Variants in ZNF597 observed in about 807,000 individuals in gnomAD.
The protein encoded by ZNF597 is zinc finger protein 597.
Under a neutral mutation model 7.3 loss-of-function variants are expected in ZNF597, and 5 were observed. That is an observed-to-expected ratio of 0.68 (90% CI 0.36 to 1.44). The LOEUF (loss-of-function observed/expected upper bound fraction) is 1.44, where lower values mean the gene tolerates loss of function less well. Among genes scored for constraint, ZNF597 ranks in the 40% most tolerant of loss-of-function variants. The pLI is 0.04. For missense variants in ZNF597, 585 were observed against 517.9 expected (o/e 1.13, Z -1.26); for synonymous variants, 209 against 185.4 (o/e 1.13, Z -1.04).
chr16:3,443,429 G>A lies in ZNF597; in HGVS notation c.-123C>T. ...GCAGAAAGCGACGCCCGACCGAGACGCGACGAAGAACGCCACGGCCACTGC... is the reference window on the plus strand; with the variant it reads ...GCAGAAAGCGACGCCCGACCGAGACACGACGAAGAACGCCACGGCCACTGC... On this transcript the variant is annotated 5_prime_UTR_variant, in exon 1 of 4. Coordinates refer to ENST00000301744, the MANE Select transcript of ZNF597 (RefSeq NM_152457.3). 3 of 521,792 alleles carry A rather than the reference G, an allele frequency of 5.7e-6. No individual in the cohort carries two copies. The highest frequency in any genetic ancestry group is 5.6e-5 in the South Asian group (2 of 35,412). The allele number at this position is 521,792 out of a possible 1,614,324, so 32.3% of individuals were successfully genotyped here. A position where few individuals can be genotyped will look rare whatever the true frequency, so the allele number is the denominator to read the frequency against.
rs1318878607 is a variant in ZNF597, at chr16:3,433,213, G to C, written c.*3211C>G. 2 of 152,212 alleles carry C rather than the reference G, an allele frequency of 1.3e-5. No homozygotes were observed. Among genetic ancestry groups the C allele is most frequent in the Non-Finnish European group, 2.9e-5 (2 of 68,042 alleles). The allele number at this position is 152,212 out of a possible 1,614,324, so 9.4% of individuals were successfully genotyped here. ...ACAAAGCTCTAAATAAAACTATTCT[G>C]AGTCGACCTCATTCAAAACAACTAC... On this transcript the variant is annotated 3_prime_UTR_variant, in exon 4 of 4. Transcript: ENST00000301744.
Position 3,440,889 on chromosome 16 carries a change from C to G in ZNF597, c.78G>C (p.Glu26Asp), listed in dbSNP as rs1178809709. The stretch of plus-strand genomic sequence containing the variant: ...GGGCAGGGTGCAGAGTCACGCACTC[C>G]TCTTGAGAAAAATACACAGCCAGAT... ...FEDLAVYFSQ[E>D]ECVTLHPAQR... The change falls in exon 3 of 4, where the codon GAG (glutamate) becomes GAC (aspartate). Residue 26 changes from glutamate to aspartate, a missense_variant. Coordinates refer to ENST00000301744, the MANE Select transcript of ZNF597 (RefSeq NM_152457.3). The G allele has an allele frequency of 2.5e-6, 4 of 1,613,904 alleles. No homozygotes were observed. The Admixed American group carries it at 6.7e-5, about 27-fold the overall frequency.
rs560701639 is a variant in ZNF597, at chr16:3,436,449, C to T, written c.1250G>A (p.Arg417Gln). Residue 417 changes from arginine (R) to glutamine (Q), a missense_variant, in exon 4 of 4, where the codon CGA becomes CAA. Coordinates refer to ENST00000301744, the MANE Select transcript of ZNF597 (RefSeq NM_152457.3). ...KSNLHLITHK[R>Q]THIKNTT Reference sequence around the variant, plus strand: ...TTACGTGGTGTTTTTTATGTGAGTTCGCTTATGAGTAATGAGATGCAAATT... The same window carrying T: ...TTACGTGGTGTTTTTTATGTGAGTTTGCTTATGAGTAATGAGATGCAAATT... 3.7e-6 allele frequency: 6 copies of T among 1,612,680 alleles called. No homozygotes were observed. Among genetic ancestry groups the T allele is most frequent in the Non-Finnish European group, 5.1e-6 (6 of 1,179,208 alleles).
At chr16:3,441,081 G>T in intron 2 of ZNF597, 148 bp from the exon 3 acceptor site, 1 of 1,024,812 alleles carries the variant, frequency 9.8e-7, no homozygotes, top group South Asian at 1.7e-5. Context: ...TAGGGCAAAT[G>T]GGTTCTAAGG....
chr16:3,440,677 A>T, intron 3 of ZNF597, 130 bp downstream of exon 3: 1 of 1,216,144 alleles, frequency 8.2e-7, no homozygotes, highest in Non-Finnish European at 1.1e-6. Context: ...TTTCTCTCAC[A>T]CAATTATCAC....
intron 3 of ZNF597, among the ~76,000 whole-genome samples, chr16:3,439,811 T>A (rs2034346951): frequency 6.6e-6 from 1 of 151,974 alleles, no homozygotes; most frequent in Admixed American, 6.6e-5. Flanking sequence ...ATATAACCCA[T>A]AACTAGAAGA....
chr16:3,442,033 C>A (rs1272275285), intron 2 of ZNF597, among the ~76,000 whole-genome samples: 2 of 150,854 alleles, frequency 1.3e-5, no homozygotes, highest in Non-Finnish European at 3.0e-5. Flanking sequence ...CAGGAAGAAT[C>A]ATAAAGAGAT....
chr16:3,440,697 A>T, intron 3 of ZNF597, 110 bp downstream of exon 3: 1 of 1,395,048 alleles, frequency 7.2e-7, no homozygotes, highest in Non-Finnish European at 9.7e-7. Context: ...CCTCCACATA[A>T]ATTACTGAGG....
chr16:3,434,064 C>G lies in ZNF597; in HGVS notation c.*2360G>C, dbSNP rs184723295. 6.6e-6 allele frequency: 1 copy of G among 152,104 alleles called. No individual in the cohort carries two copies. The highest frequency in any genetic ancestry group is 6.6e-5 in the Admixed American group (1 of 15,260). 9.4% of individuals were successfully genotyped at this position (152,104 alleles called of 1,614,324 possible). ...TTAAGGTGCAGAACAGGATGTATGGCACAAATTCTCACTTTCTGCTATATT... is the reference window on the plus strand; with the variant it reads ...TTAAGGTGCAGAACAGGATGTATGGGACAAATTCTCACTTTCTGCTATATT... On this transcript the variant is annotated 3_prime_UTR_variant, in exon 4 of 4. Transcript: ENST00000301744.
rs921875833 is a variant in ZNF597, at chr16:3,435,704, G to T, written c.*720C>A. The T allele has an allele frequency of 1.3e-5, 2 of 152,178 alleles. No homozygotes were observed. Among genetic ancestry groups the T allele is most frequent in the African/African-American group, 4.8e-5 (2 of 41,434 alleles). 9.4% of individuals were successfully genotyped at this position (152,178 alleles called of 1,614,324 possible). On this transcript the variant is annotated 3_prime_UTR_variant, in exon 4 of 4. Transcript: ENST00000301744. ...AGTAGCAATTTGGAGGCAAATCTTA[G>T]AAAAGAGCAAGTACTTCTCCCCCTC... is the stretch of plus-strand genomic sequence containing the variant.
rs2034425869 is a variant in ZNF597, at chr16:3,443,405, C to G, written c.-99G>C. ...GCCTCGCGCTCCCTGACAGGAGCTG[C>G]AGAAAGCGACGCCCGACCGAGACGC... On this transcript the variant is annotated 5_prime_UTR_variant, in exon 1 of 4. Coordinates refer to ENST00000301744, the MANE Select transcript of ZNF597 (RefSeq NM_152457.3). 4 of 534,260 alleles carry G rather than the reference C, an allele frequency of 7.5e-6. No individual in the cohort carries two copies. In the African/African-American group the frequency reaches 7.9e-5, roughly 11 times the overall value. The allele number at this position is 534,260 out of a possible 1,614,324, so 33.1% of individuals were successfully genotyped here. A position where few individuals can be genotyped will look rare whatever the true frequency, so the allele number is the denominator to read the frequency against.
intron 3 of ZNF597, among the ~76,000 whole-genome samples, chr16:3,439,173 G>C (rs1490118673): frequency 6.6e-6 from 1 of 151,924 alleles, no homozygotes; most frequent in East Asian, 1.9e-4. Flanking sequence ...GAGCCACGGA[G>C]CTCGAGACCA....
chr16:3,442,559 C>T (rs1437016780), intron 2 of ZNF597, among the ~76,000 whole-genome samples: 1 of 152,000 alleles, frequency 6.6e-6, no homozygotes, highest in Non-Finnish European at 1.5e-5. Context: ...CCTGTAGTCC[C>T]ATCTACTCGG....
intron 3 of ZNF597, among the ~76,000 whole-genome samples, chr16:3,438,185 A>AG (rs1567352471): frequency 6.6e-6 from 1 of 150,594 alleles, no homozygotes; most frequent in East Asian, 2.0e-4. Flanking sequence ...ATTGCACTCC[A>AG]GCCTAGGTGA....
chr16:3,443,073 A>C, intron 2 of ZNF597, 48 bp downstream of exon 2: 1 of 1,613,380 alleles, frequency 6.2e-7, no homozygotes, highest in Non-Finnish European at 8.5e-7. Context: ...GGTCAGGCAG[A>C]GACCGAAAGC....
At chr16:3,441,897 T>G (rs1292283231) in intron 2 of ZNF597, among the ~76,000 whole-genome samples, 1 of 150,230 alleles carries the variant, frequency 6.7e-6, no homozygotes, top group Non-Finnish European at 1.5e-5. Context: ...GGAGAATCGT[T>G]TGAATCCAGG....
At position 3,440,825 on chromosome 16, in the gene ZNF597, C is replaced by T. The variant is rs1416559097; in HGVS notation, c.142G>A (p.Glu48Lys). 2 of 1,613,878 alleles carry T rather than the reference C, an allele frequency of 1.2e-6. No homozygotes were observed. The highest frequency in any genetic ancestry group is 1.7e-6 in the Non-Finnish European group (2 of 1,179,958). The part of the protein sequence containing the change: ...LSKDGTKESL[E>K]DAALMGEEGK... ...GCCTTACCCATCAAAGCCGCATCCTCCAAAGACTCTTTTGTACCATCTTTG... is the reference window on the plus strand; with the variant it reads ...GCCTTACCCATCAAAGCCGCATCCTTCAAAGACTCTTTTGTACCATCTTTG... The change falls in exon 3 of 4, where the codon GAG (glutamate) becomes AAG (lysine). Residue 48 changes from glutamate to lysine, a missense_variant. Glu to Lys is a moderately conservative substitution (Grantham distance 56). Transcript: ENST00000301744.
Position 3,436,958 on chromosome 16 carries a change from TCTACCACATATG to T in ZNF597, c.729_740del (p.Ser243_Gly246del). 1 of 1,614,166 alleles carries T rather than the reference TCTACCACATATG, an allele frequency of 6.2e-7. No individual in the cohort carries two copies. On this transcript the variant is annotated inframe_deletion, in exon 4 of 4. Coordinates refer to ENST00000301744, the MANE Select transcript of ZNF597 (RefSeq NM_152457.3). Reference sequence around the variant, plus strand: ...CCAATCCTGGGAGCCACATAAAACCTCTACCACATATGCTACATGTATAGGGCTTCTCCTTTA... The same window carrying T: ...CCAATCCTGGGAGCCACATAAAACCTCTACATGTATAGGGCTTCTCCTTTA...
Position 3,443,343 on chromosome 16 carries a change from G to A in ZNF597, c.-54+17C>T. On this transcript the variant is annotated intron_variant, in intron 1 of 3. Transcript: ENST00000301744. ...CTGCTCCTCCTCTTGGCCCGGCCTC[G>A]AAAGGGGCCCACTTACCGCTCCGCG... 1.7e-6 allele frequency: 1 copy of A among 602,664 alleles called. No individual in the cohort carries two copies. Among genetic ancestry groups the A allele is most frequent in the Non-Finnish European group, 2.8e-6 (1 of 356,626 alleles). 37.3% of individuals were successfully genotyped at this position (602,664 alleles called of 1,614,324 possible).
Sources: allele counts gnomAD v4.1 joint callset (sites outside exome capture counted in the v4.1 genomes callset), GRCh38; gene constraint gnomAD v4.1.1; transcripts MANE v1.5; gene names NCBI Gene and HGNC (gene_info 2026-07-23, HGNC 2026-07-21).